Variants in TMEM182 observed in about 807,000 individuals in gnomAD.
TMEM182 encodes transmembrane protein 182.
Under a neutral mutation model 26.8 loss-of-function variants are expected in TMEM182, and 20 were observed. The observed-to-expected ratio is 0.75, with a 90% CI of 0.53 to 1.09. The LOEUF (loss-of-function observed/expected upper bound fraction) is 1.09. Among genes scored for constraint, TMEM182 ranks in the 50% least tolerant of loss-of-function variants. The pLI is 0.00. For synonymous variants in TMEM182, 109 were observed against 102.2 expected (o/e 1.07, Z -0.40); for missense variants, 277 against 275.5 (o/e 1.01, Z -0.04).
At chr2:102,754,804 C>T (rs780060737) in intron 1 of TMEM182, among the ~76,000 whole-genome samples, 1 of 152,106 alleles carries the variant, frequency 6.6e-6, no homozygotes, top group East Asian at 1.9e-4. Context: ...CACTTAATAA[C>T]GTGACTTGAG....
intron 3 of TMEM182, among the ~76,000 whole-genome samples, chr2:102,781,691 T>G (rs1239264152): frequency 6.6e-6 from 1 of 152,042 alleles, no homozygotes; most frequent in Non-Finnish European, 1.5e-5. Flanking sequence ...AATGATGAGA[T>G]GGACCAAATA....
intron 3 of TMEM182, among the ~76,000 whole-genome samples, chr2:102,774,300 G>C (rs1286140258): frequency 1.5e-5 from 2 of 130,624 alleles, no homozygotes; most frequent in Non-Finnish European, 3.1e-5. Context: ...CTGTAGCCCA[G>C]GATGGAGTGC....
In TMEM182 at chr2:102,814,992, TC is replaced by T; in HGVS notation, c.*25del. 1 of 1,610,092 alleles carries T rather than the reference TC, an allele frequency of 6.2e-7. No individual in the cohort carries two copies. The highest frequency in any genetic ancestry group is 1.1e-5 in the South Asian group (1 of 90,350). On this transcript the variant is annotated 3_prime_UTR_variant, in exon 5 of 5. Transcript: ENST00000412401. ...AAATCAACTGTTGCCACAAGTATTT[TC>T]TTGAGAGATTTTAAAACAAGGAATA...
chr2:102,765,347 C>T (rs1680387171), intron 3 of TMEM182, among the ~76,000 whole-genome samples: 1 of 152,182 alleles, frequency 6.6e-6, no homozygotes, highest in African/African-American at 2.4e-5. Flanking sequence ...AATCTGGAAG[C>T]TGACTTTCTT....
At chr2:102,744,462 G>A (rs1347003954) in intron 1 of TMEM182, among the ~76,000 whole-genome samples, 2 of 151,884 alleles carry the variant, frequency 1.3e-5, no homozygotes, top group East Asian at 1.9e-4. Context: ...TTTTAAAATC[G>A]GTAATTTATG....
intron 1 of TMEM182, among the ~76,000 whole-genome samples, chr2:102,746,281 C>T (rs1032086061): frequency 1.5e-4 from 22 of 151,388 alleles, no homozygotes; most frequent in South Asian, 8.4e-4. Context: ...TTTTTAATTG[C>T]GATTTTTTTT....
rs779820275 is a variant in TMEM182 at position 102,814,870 on chromosome 2, G to A, written c.592G>A (p.Gly198Ser). 1 of 1,613,878 alleles carries A rather than the reference G, an allele frequency of 6.2e-7. No homozygotes were observed. Among genetic ancestry groups the A allele is most frequent in the Non-Finnish European group, 8.5e-7 (1 of 1,179,954 alleles). Residue 198 changes from glycine to serine, a missense_variant, in exon 5 of 5, where the codon GGC (glycine) becomes AGC (serine). Coordinates refer to ENST00000412401, the MANE Select transcript of TMEM182 (RefSeq NM_144632.5). ...GGATTTCACCCCTTCTGTTCTGTAT[G>A]GCTGGTCATTTTTCCTGGCCCCAGC... ...CLDFTPSVLYGWSFFLAPAGI... is the reference protein window; with the variant it reads ...CLDFTPSVLYSWSFFLAPAGI...
intron 3 of TMEM182, among the ~76,000 whole-genome samples, chr2:102,789,332 C>G (rs1456346204): frequency 6.6e-6 from 1 of 152,182 alleles, no homozygotes; most frequent in African/African-American, 2.4e-5. Flanking sequence ...AATCACTTAT[C>G]AAAACACTAC....
chr2:102,835,168 G>A (rs1683221479), intron 3 of TMEM182, among the ~76,000 whole-genome samples: 1 of 152,062 alleles, frequency 6.6e-6, no homozygotes, highest in Non-Finnish European at 1.5e-5. Flanking sequence ...ATTCACCACC[G>A]GAGGCCAGGA....
intron 4 of TMEM182, among the ~76,000 whole-genome samples, chr2:102,799,868 A>G (rs1193817513): frequency 6.6e-6 from 1 of 151,926 alleles, no homozygotes; most frequent in East Asian, 1.9e-4. Flanking sequence ...TGGAGAGGGG[A>G]CCTTTGTGGT....
At chr2:102,823,414 C>T (rs1241449897) in intron 3 of TMEM182, among the ~76,000 whole-genome samples, 1 of 152,056 alleles carries the variant, frequency 6.6e-6, no homozygotes, top group Non-Finnish European at 1.5e-5. Flanking sequence ...CTGACTGCAA[C>T]CTCCGCCTCC....
intron 3 of TMEM182, among the ~76,000 whole-genome samples, chr2:102,791,060 C>T (rs560001611): frequency 2.2e-4 from 34 of 152,124 alleles, no homozygotes; most frequent in Admixed American, 1.9e-3. Flanking sequence ...CTCAGCCTCC[C>T]GAGTAGCTGG....
chr2:102,801,067 C>G (rs756027174), intron 4 of TMEM182, among the ~76,000 whole-genome samples: 34 of 151,302 alleles, frequency 2.2e-4, no homozygotes, highest in Non-Finnish European at 4.7e-4. Context: ...TTAAATGAAC[C>G]TTGTGTTGCT....
intron 1 of TMEM182, among the ~76,000 whole-genome samples, chr2:102,745,717 A>G (rs1679674670): frequency 6.6e-6 from 1 of 152,172 alleles, no homozygotes. Flanking sequence ...TATATTTCAT[A>G]TAAATGGAAT....
In TMEM182 at chr2:102,787,391, C is replaced by G. The variant is rs1281916126; in HGVS notation, c.332-10472C>G. Among the ~76,000 whole-genome samples the G allele has an allele frequency of 1.2e-4, 18 of 152,284 alleles. No individual in the cohort carries two copies. The East Asian group carries it at 3.5e-3, about 29-fold the overall frequency. On this transcript the variant is annotated intron_variant, in intron 3 of 4. Transcript: ENST00000412401. Reference sequence around the variant, plus strand: ...GCAGAAAGAGAATGAACTCTCTCCTCCTCTTCTCATAAAGTCACTAATCCC... The same window carrying G: ...GCAGAAAGAGAATGAACTCTCTCCTGCTCTTCTCATAAAGTCACTAATCCC...
chr2:102,739,684 C>G (rs1366633117), intron 1 of TMEM182, among the ~76,000 whole-genome samples: 5 of 152,100 alleles, frequency 3.3e-5, no homozygotes, highest in Admixed American at 3.3e-4. Flanking sequence ...TGAGGCCTGT[C>G]CAGAAGCCAA....
intron 3 of TMEM182, among the ~76,000 whole-genome samples, chr2:102,772,163 T>A (rs980467557): frequency 4.6e-5 from 7 of 152,184 alleles, no homozygotes; most frequent in African/African-American, 1.7e-4. Context: ...TCTGGGCCTC[T>A]CTTATCTTGA....
intron 3 of TMEM182, among the ~76,000 whole-genome samples, chr2:102,841,949 A>T (rs1277965658): frequency 6.6e-6 from 1 of 152,230 alleles, no homozygotes. Context: ...CGAAGGTTAA[A>T]TGAAATGTAT....
At chr2:102,749,874 A>T in intron 1 of TMEM182, among the ~76,000 whole-genome samples, 1 of 152,108 alleles carries the variant, frequency 6.6e-6, no homozygotes, top group Non-Finnish European at 1.5e-5. Context: ...TACAAAAAAA[A>T]TTAGATGTAT....
Sources: gnomAD v4.1 joint callset for allele counts (sites outside exome capture counted in the v4.1 genomes callset) on GRCh38, gnomAD v4.1.1 for gene constraint, MANE v1.5 for transcripts, NCBI Gene and HGNC (gene_info 2026-07-23, HGNC 2026-07-21) for gene names.